The following TRPM3 variants were observed in gnomAD, a reference collection of about 807,000 sequenced individuals.
The protein encoded by TRPM3 is transient receptor potential cation channel subfamily M member 3.
A neutral mutation model predicts 181.2 loss-of-function variants in TRPM3; 77 were observed. The observed-to-expected ratio is 0.42, with a 90% CI of 0.35 to 0.51. TRPM3 has a LOEUF of 0.51. Ranked by LOEUF, TRPM3 falls within the 20% of genes least tolerant of loss-of-function variation. TRPM3 has a pLI of 0.01. For missense variants in TRPM3, 1,759 were observed against 2,196.7 expected (o/e 0.80, Z 3.98); for synonymous variants, 745 against 796.4 (o/e 0.94, Z 1.09).
intron 3 of TRPM3, among the ~76,000 whole-genome samples, chr9:70,850,143 A>G (rs1046630888): frequency 9.2e-5 from 14 of 152,226 alleles, no homozygotes; most frequent in African/African-American, 3.1e-4. Flanking sequence ...AATTTTAGGT[A>G]AGTACATTAT....
intron 1 of TRPM3, among the ~76,000 whole-genome samples, chr9:71,231,823 C>T (rs1365749702): frequency 6.6e-6 from 1 of 152,122 alleles, no homozygotes; most frequent in Non-Finnish European, 1.5e-5. Context: ...AACTACCCAC[C>T]AGGTACTACG....
chr9:70,831,983 A>ATATATATATAAATATATATATATATATT (rs2093954778), intron 5 of TRPM3, among the ~76,000 whole-genome samples: 1 of 103,424 alleles, frequency 9.7e-6, no homozygotes, highest in African/African-American at 4.2e-5. Context: ...ATATATATAT[A>ATATATATATAAATATATATATATATATT]TATATATATA....
At chr9:70,753,613 G>T (rs1355978895) in intron 8 of TRPM3, among the ~76,000 whole-genome samples, 1 of 152,150 alleles carries the variant, frequency 6.6e-6, no homozygotes, top group Non-Finnish European at 1.5e-5. Context: ...ACAAGGTAAA[G>T]AAAACTATTT....
chr9:71,053,157 A>G (rs2060257290), intron 1 of TRPM3, among the ~76,000 whole-genome samples: 1 of 148,194 alleles, frequency 6.7e-6, no homozygotes, highest in South Asian at 2.2e-4. Flanking sequence ...AAGTCTTGCC[A>G]TTCACAACCT....
chr9:70,811,886 TTCTC>T (rs1189242430), intron 6 of TRPM3, among the ~76,000 whole-genome samples: 2 of 152,188 alleles, frequency 1.3e-5, no homozygotes, highest in African/African-American at 4.8e-5. Flanking sequence ...TGATTCCTCT[TTCTC>T]TCTCTGGCCA....
intron 1 of TRPM3, among the ~76,000 whole-genome samples, chr9:71,252,849 T>C (rs11142754): frequency 4.9e-4 from 39 of 78,812 alleles, no homozygotes; most frequent in African/African-American, 1.0e-3. Flanking sequence ...TTTTGTCTCT[T>C]TTTTTTTTTT....
intron 17 of TRPM3, 42 bp downstream of exon 17, chr9:70,618,825 G>T (rs376200625): frequency 1.9e-6 from 3 of 1,561,664 alleles, no homozygotes; most frequent in Non-Finnish European, 2.6e-6. Flanking sequence ...TAACCCACCC[G>T]CCGGTCCTCA....
intron 1 of TRPM3, among the ~76,000 whole-genome samples, chr9:70,987,786 G>A (rs1471791748): frequency 6.6e-6 from 1 of 151,902 alleles, no homozygotes; most frequent in Non-Finnish European, 1.5e-5. Context: ...AATGTCTTTG[G>A]AGGTTTCAAA....
intron 1 of TRPM3, among the ~76,000 whole-genome samples, chr9:71,301,852 T>TA (rs1422074426): frequency 2.6e-5 from 4 of 152,194 alleles, no homozygotes; most frequent in African/African-American, 9.7e-5. Flanking sequence ...ATGTAGTACC[T>TA]AGCATATAGT....
At chr9:70,627,762 G>A (rs554788223) in intron 12 of TRPM3, among the ~76,000 whole-genome samples, 25 of 152,230 alleles carry the variant, frequency 1.6e-4, no homozygotes, top group African/African-American at 5.1e-4. Context: ...GACCCCTTCC[G>A]TCCTTGACCT....
chr9:70,593,423 T>C (rs1304428621), intron 21 of TRPM3, among the ~76,000 whole-genome samples: 1 of 152,214 alleles, frequency 6.6e-6, no homozygotes, highest in South Asian at 2.1e-4. Context: ...CTTCATGTTG[T>C]GTTTATTTAC....
chr9:70,536,320 C>T lies in TRPM3; in HGVS notation c.4793G>A (p.Arg1598Gln), dbSNP rs376705028. The change falls in exon 26 of 26, where the codon CGA becomes CAA. Residue 1598 changes from arginine (R) to glutamine (Q), a missense_variant. By Grantham distance (43) the Arg-to-Gln change is conservative. Transcript: ENST00000677713. ...VEDLTCCHPEREAELSHPSSD... is the reference protein window; with the variant it reads ...VEDLTCCHPEQEAELSHPSSD... ...GCTGGGGTGACTCAGTTCTGCTTCTCGCTCTGGATGGCAGCAAGTTAAGTC... is the reference window on the plus strand; with the variant it reads ...GCTGGGGTGACTCAGTTCTGCTTCTTGCTCTGGATGGCAGCAAGTTAAGTC... 1.7e-4 allele frequency: 276 copies of T among 1,614,142 alleles called. 7 individuals carry two copies. In the South Asian group the frequency reaches 2.4e-3, roughly 14 times the overall value.
At chr9:71,370,600 C>A (rs2092478197) in intron 1 of TRPM3, among the ~76,000 whole-genome samples, 1 of 152,176 alleles carries the variant, frequency 6.6e-6, no homozygotes, top group South Asian at 2.1e-4. Context: ...TAGTTTGAAG[C>A]TAGCAGAAGT....
At chr9:70,958,748 G>A (rs1404373266) in intron 1 of TRPM3, among the ~76,000 whole-genome samples, 1 of 151,612 alleles carries the variant, frequency 6.6e-6, no homozygotes, top group African/African-American at 2.4e-5. Flanking sequence ...CAAAGACTTG[G>A]AACCAACCCA....
chr9:70,671,538 T>TAATA (rs5898159), intron 9 of TRPM3, among the ~76,000 whole-genome samples: 99,457 of 151,664 alleles, frequency 0.66, 33,017 homozygotes, highest in African/African-American at 0.76. Flanking sequence ...GTGATTATTA[T>TAATA]AATAAACATT....
chr9:70,669,169 A>G (rs1020263951), intron 9 of TRPM3, among the ~76,000 whole-genome samples: 3 of 152,232 alleles, frequency 2.0e-5, no homozygotes, highest in African/African-American at 7.2e-5. Context: ...CGCAGGGGAA[A>G]AAATAATTGA....
intron 1 of TRPM3, among the ~76,000 whole-genome samples, chr9:71,361,498 C>G (rs1179162001): frequency 6.6e-6 from 1 of 152,130 alleles, no homozygotes; most frequent in East Asian, 1.9e-4. Context: ...CTGTGCCTGA[C>G]CAGAACCAAA....
intron 1 of TRPM3, among the ~76,000 whole-genome samples, chr9:71,370,373 G>C (rs2092470006): frequency 6.6e-6 from 1 of 151,872 alleles, no homozygotes; most frequent in South Asian, 2.1e-4. Context: ...CAAAGGAAAA[G>C]TTCTTGAAAA....
At chr9:71,009,798 G>A (rs912493612) in intron 1 of TRPM3, among the ~76,000 whole-genome samples, 4 of 152,056 alleles carry the variant, frequency 2.6e-5, no homozygotes, top group African/African-American at 9.7e-5. Flanking sequence ...TTAACAAAGC[G>A]GGAGGCATCA....
Sources: allele counts gnomAD v4.1 joint callset (sites outside exome capture counted in the v4.1 genomes callset), GRCh38; gene constraint gnomAD v4.1.1; transcripts MANE v1.5; gene names NCBI Gene and HGNC (gene_info 2026-07-23, HGNC 2026-07-21).